NBL1: variants seen among roughly 807,000 people sequenced by gnomAD.
The protein encoded by NBL1 is NBL1, DAN family BMP antagonist, also known as neuroblastoma suppressor of tumorigenicity 1.
NBL1 carries 9 observed loss-of-function variants against 16.0 expected under a neutral mutation model. The observed-to-expected ratio is 0.56, with a 90% CI of 0.34 to 0.98. The LOEUF (loss-of-function observed/expected upper bound fraction) is 0.98. Among genes scored for constraint, NBL1 ranks in the 50% least tolerant of loss-of-function variants. The pLI is 0.02. For synonymous variants in NBL1, 86 were observed against 100.7 expected, an observed-to-expected ratio of 0.85 and a Z score of 0.87; for missense variants, 196 against 243.1, an observed-to-expected ratio of 0.81 and a Z score of 1.29.
upstream of NBL1, chr1:19,643,571 G>T: frequency 7.1e-7 from 1 of 1,415,600 alleles, no homozygotes; most frequent in Non-Finnish European, 9.2e-7. The surrounding 1 kb of genome is among the most constrained non-coding windows in gnomAD (Gnocchi z 4.7). Flanking sequence ...AGGAACCCCC[G>T]AGGTGAGGCT....
At chr1:19,648,615 G>T (rs1236292608) in intron 1 of NBL1, among the ~76,000 whole-genome samples, 1 of 152,168 alleles carries the variant, frequency 6.6e-6, no homozygotes, top group African/African-American at 2.4e-5. Flanking sequence ...GCTACGGGTG[G>T]GTCACTTCCT....
In NBL1 at chr1:19,644,522, A is replaced by G. The variant is rs2094965816; in HGVS notation, c.-20+76A>G. ...GCCGCGGGGGCAGTGCCGCGCCCCCAGCCCGGAGCTGCGTCCCCCGGCGCG... is the reference window on the plus strand; with the variant it reads ...GCCGCGGGGGCAGTGCCGCGCCCCCGGCCCGGAGCTGCGTCCCCCGGCGCG... On this transcript the variant is annotated intron_variant, in intron 1 of 3. Transcript: ENST00000375136. The surrounding 1 kb of genome is among the most constrained non-coding windows in gnomAD (Gnocchi z 4.6). The G allele has an allele frequency of 1.2e-6, 1 of 828,180 alleles. No individual in the cohort carries two copies. The highest frequency in any genetic ancestry group is 1.5e-6 in the Non-Finnish European group (1 of 688,988). The allele number at this position is 828,180 out of a possible 1,614,324, so 51.3% of individuals were successfully genotyped here.
upstream of NBL1, chr1:19,643,421 C>A: frequency 6.2e-7 from 1 of 1,612,806 alleles, no homozygotes. The surrounding 1 kb of genome is among the most constrained non-coding windows in gnomAD (Gnocchi z 4.7). Flanking sequence ...AAAGCAAAAT[C>A]CCCAAGTCCT....
At chr1:19,643,282 T>C, upstream of NBL1, 1 of 1,605,992 alleles carries the variant, frequency 6.2e-7, no homozygotes, top group Non-Finnish European at 8.5e-7. The surrounding 1 kb of genome is among the most constrained non-coding windows in gnomAD (Gnocchi z 4.7). Context: ...CACCAGGGAG[T>C]TCCCAGCAGG....
intron 1 of NBL1, among the ~76,000 whole-genome samples, chr1:19,650,838 C>G (rs2100419461): frequency 6.6e-6 from 1 of 152,218 alleles, no homozygotes; most frequent in Admixed American, 6.5e-5. Flanking sequence ...TAGCCAAGAG[C>G]CCACCCCACC....
At chr1:19,652,520 G>A (rs986383373) in intron 1 of NBL1, among the ~76,000 whole-genome samples, 1 of 152,178 alleles carries the variant, frequency 6.6e-6, no homozygotes, top group Non-Finnish European at 1.5e-5. Context: ...TGGGCTGGGA[G>A]TGGGGCTTAT....
At chr1:19,647,164 G>C (rs1388527657) in intron 1 of NBL1, among the ~76,000 whole-genome samples, 1 of 152,218 alleles carries the variant, frequency 6.6e-6, no homozygotes, top group African/African-American at 2.4e-5. Context: ...CTGAGGTACA[G>C]AAAGGTTAGA....
intron 3 of NBL1, among the ~76,000 whole-genome samples, chr1:19,655,955 T>A (rs1558367657): frequency 6.6e-6 from 1 of 152,204 alleles, no homozygotes; most frequent in Non-Finnish European, 1.5e-5. Context: ...TTCATTCTTC[T>A]GCCCTTGGCC....
chr1:19,643,640 T>C (rs955654673), upstream of NBL1: 43 of 1,319,098 alleles, frequency 3.3e-5, no homozygotes, highest in East Asian at 1.4e-3. The surrounding 1 kb of genome is among the most constrained non-coding windows in gnomAD (Gnocchi z 4.7). Flanking sequence ...GTTCATTTGC[T>C]GGCTTTTTAG....
At chr1:19,647,200 T>C (rs991945961) in intron 1 of NBL1, among the ~76,000 whole-genome samples, 2 of 152,006 alleles carry the variant, frequency 1.3e-5, no homozygotes, top group Non-Finnish European at 2.9e-5. Context: ...CCTAGTGCTT[T>C]GGGAGGCTGA....
rs2095041886 is a variant in NBL1, at chr1:19,653,926, AT to A, written c.-19-1083del. On this transcript the variant is annotated intron_variant, in intron 1 of 3. Coordinates refer to ENST00000375136, the MANE Select transcript of NBL1 (RefSeq NM_005380.8). ...TCTCACTCCATCCTATAGCAGGGGA[AT>A]TTGCAAATGGCCAAGTGCTTAGCTT... Among the ~76,000 whole-genome samples, 3 of 152,094 alleles carry A rather than the reference AT, an allele frequency of 2.0e-5. No individual in the cohort carries two copies. The South Asian group carries it at 6.2e-4, about 31-fold the overall frequency.
chr1:19,643,496 C>A, upstream of NBL1: 1 of 1,542,504 alleles, frequency 6.5e-7, no homozygotes, highest in South Asian at 1.2e-5. This position sits in a 1 kb window ranked among gnomAD's most constrained non-coding sequence, Gnocchi z 4.7. Flanking sequence ...TTTCTCACCC[C>A]GTTGTTAAGC....
chr1:19,655,125 G>C lies in NBL1; in HGVS notation c.95G>C (p.Ser32Thr). 1.2e-6 allele frequency: 2 copies of C among 1,612,350 alleles called. No individual in the cohort carries two copies. The highest frequency in any genetic ancestry group is 1.7e-6 in the Non-Finnish European group (2 of 1,179,446). Residue 32 changes from serine (S) to threonine (T), a missense_variant, in exon 2 of 4, where the codon AGT becomes ACT. Transcript: ENST00000375136. Reference sequence around the variant, plus strand: ...AAGCTGGCACTGTTCCCAGATAAGAGTGCCTGGTGCGAAGCCAAGAACATC... The same window carrying C: ...AAGCTGGCACTGTTCCCAGATAAGACTGCCTGGTGCGAAGCCAAGAACATC... ...INKLALFPDK[S>T]AWCEAKNITQ... is the part of the protein sequence containing the mutation.
At chr1:19,655,609 TG>T (rs2095051906) in intron 3 of NBL1, among the ~76,000 whole-genome samples, 174 bp downstream of exon 3, 1 of 152,198 alleles carries the variant, frequency 6.6e-6, no homozygotes, top group Non-Finnish European at 1.5e-5. Flanking sequence ...CCCCACAGGA[TG>T]GCTCAGAAGT....
At chr1:19,649,347 A>AATTATTATTATT (rs36030380) in intron 1 of NBL1, among the ~76,000 whole-genome samples, 1 of 148,596 alleles carries the variant, frequency 6.7e-6, no homozygotes, top group Non-Finnish European at 1.5e-5. Context: ...GCTGCCATAA[A>AATTATTATTATT]ATTATTATTA....
rs114052989 is a variant in NBL1 at position 19,645,909 on chromosome 1, A to C, written c.-20+1463A>C. 3,070 of 1,548,922 alleles carry C rather than the reference A, an allele frequency of 2.0e-3. 40 individuals carry two copies. In the African/African-American group the frequency reaches 0.034, roughly 17 times the overall value. On this transcript the variant is annotated intron_variant, in intron 1 of 3. Transcript: ENST00000375136. ...AGGGTCGGAGGCTGCCGGAGCGGGC[A>C]GGGTTGTTGGTGAGGTCTGCAGTGG...
intron 3 of NBL1, 114 bp downstream of exon 3, chr1:19,655,549 C>A: frequency 1.7e-6 from 2 of 1,204,406 alleles, no homozygotes; most frequent in Non-Finnish European, 1.2e-6. Context: ...TAGAAAGGCC[C>A]CACTGTGTGC....
At chr1:19,649,097 T>C (rs1299694464) in intron 1 of NBL1, among the ~76,000 whole-genome samples, 1 of 152,096 alleles carries the variant, frequency 6.6e-6, no homozygotes, top group African/African-American at 2.4e-5. Flanking sequence ...TGCTTCTTTC[T>C]CTTCGGTGAA....
intron 1 of NBL1, among the ~76,000 whole-genome samples, chr1:19,651,220 G>A (rs894236665): frequency 1.3e-5 from 2 of 152,198 alleles, no homozygotes; most frequent in Admixed American, 6.5e-5. Context: ...CAGGGTCCAC[G>A]CTTCCAGGGG....
Sources: gnomAD v4.1 joint callset for allele counts (sites outside exome capture counted in the v4.1 genomes callset) on GRCh38, gnomAD v4.1.1 for gene constraint, Gnocchi (gnomAD v3.1) non-coding constraint, MANE v1.5 for transcripts, NCBI Gene and HGNC (gene_info 2026-07-23, HGNC 2026-07-21) for gene names.